The following KCNB2 variants were observed in gnomAD, a reference collection of about 807,000 sequenced individuals.
KCNB2 encodes potassium voltage-gated channel subfamily B member 2.
Under a neutral mutation model 61.5 loss-of-function variants are expected in KCNB2, and 15 were observed. That is an observed-to-expected ratio of 0.24 (90% CI 0.16 to 0.38). The LOEUF is 0.38. Ranked by LOEUF, KCNB2 falls within the 10% of genes least tolerant of loss-of-function variation. KCNB2 has a pLI of 1.00. For synonymous variants in KCNB2, 457 were observed against 446.0 expected, an observed-to-expected ratio of 1.02 and a Z score of -0.31; for missense variants, 828 against 1,125.2, an observed-to-expected ratio of 0.74 and a Z score of 3.78.
intron 2 of KCNB2, among the ~76,000 whole-genome samples, chr8:72,572,656 T>A (rs1563526893): frequency 6.6e-6 from 1 of 152,016 alleles, no homozygotes; most frequent in Non-Finnish European, 1.5e-5. Context: ...GGTTTTATTT[T>A]AGCTTAAGAA....
chr8:72,922,837 T>A (rs1806550535), intron 2 of KCNB2, among the ~76,000 whole-genome samples: 1 of 152,194 alleles, frequency 6.6e-6, no homozygotes, highest in Non-Finnish European at 1.5e-5. Context: ...TTTAGAAGCT[T>A]ATTTTGTCAA....
At chr8:72,902,433 G>A (rs1476496422) in intron 2 of KCNB2, among the ~76,000 whole-genome samples, 1 of 152,050 alleles carries the variant, frequency 6.6e-6, no homozygotes, top group African/African-American at 2.4e-5. Context: ...GCAGGGTCCT[G>A]GTGGGGAAAT....
intron 2 of KCNB2, among the ~76,000 whole-genome samples, chr8:72,622,355 T>C (rs1377042789): frequency 2.6e-5 from 4 of 152,182 alleles, no homozygotes; most frequent in Admixed American, 6.5e-5. Flanking sequence ...CCAAGAGTAT[T>C]GAGACTAATT....
At chr8:72,882,294 G>A (rs1805723192) in intron 2 of KCNB2, among the ~76,000 whole-genome samples, 1 of 152,094 alleles carries the variant, frequency 6.6e-6, no homozygotes, top group Admixed American at 6.5e-5. Flanking sequence ...CTGTTATAAA[G>A]GAACTGGAAA....
chr8:72,549,290 A>G (rs1455928651), intron 1 of KCNB2, among the ~76,000 whole-genome samples: 1 of 152,218 alleles, frequency 6.6e-6, no homozygotes, highest in Non-Finnish European at 1.5e-5. Context: ...CCTAACATCA[A>G]GGTGTCAATG....
chr8:72,695,368 C>A (rs1807002430), intron 2 of KCNB2, among the ~76,000 whole-genome samples: 1 of 152,158 alleles, frequency 6.6e-6, no homozygotes, highest in Admixed American at 6.5e-5. Flanking sequence ...CAGTAATTTT[C>A]TTCTCCTGTT....
At chr8:72,826,166 C>G (rs139073737) in intron 2 of KCNB2, among the ~76,000 whole-genome samples, 1 of 152,298 alleles carries the variant, frequency 6.6e-6, no homozygotes, top group Non-Finnish European at 1.5e-5. Context: ...GCAACTTTCT[C>G]TTATACTTAC....
chr8:72,563,955 T>G (rs1806584491), intron 1 of KCNB2, among the ~76,000 whole-genome samples: 1 of 152,120 alleles, frequency 6.6e-6, no homozygotes, highest in Non-Finnish European at 1.5e-5. Flanking sequence ...CTTAAGAAAA[T>G]CAAATCAACA....
chr8:72,919,608 G>C (rs945589081), intron 2 of KCNB2, among the ~76,000 whole-genome samples: 7 of 152,202 alleles, frequency 4.6e-5, no homozygotes, highest in Admixed American at 2.0e-4. Flanking sequence ...CATGGCCACA[G>C]GCTATGATGG....
intron 2 of KCNB2, among the ~76,000 whole-genome samples, chr8:72,713,326 AC>A (rs1434889962): frequency 6.6e-6 from 1 of 152,204 alleles, no homozygotes; most frequent in African/African-American, 2.4e-5. Context: ...TTCTCCCAGC[AC>A]GCAGCTTGAG....
rs146793525 is a variant in KCNB2, at chr8:72,768,307, G to A, written c.580-167628G>A. 2.8e-3 allele frequency among the ~76,000 whole-genome samples: 421 copies of A among 152,010 alleles called. 2 individuals are homozygous for A. The highest frequency in any genetic ancestry group is 9.5e-3 in the African/African-American group (395 of 41,444). ...TCCTGCCTCACCCTCCTGAGTAGCT[G>A]GGACTACAGGCATGCACCACCATTG... On this transcript the variant is annotated intron_variant, in intron 2 of 2. Transcript: ENST00000523207.
intron 2 of KCNB2, among the ~76,000 whole-genome samples, chr8:72,689,743 T>A (rs1341117751): frequency 2.0e-5 from 3 of 152,228 alleles, no homozygotes; most frequent in African/African-American, 7.2e-5. Context: ...TTCCTTTTTA[T>A]TACCCGATAG....
intron 2 of KCNB2, among the ~76,000 whole-genome samples, chr8:72,758,014 G>A (rs1451009297): frequency 2.6e-5 from 4 of 152,230 alleles, no homozygotes; most frequent in Non-Finnish European, 5.9e-5. Context: ...CCTAGGAGCT[G>A]AGGCTTTGTT....
intron 2 of KCNB2, among the ~76,000 whole-genome samples, chr8:72,702,924 A>G (rs138817148): frequency 3.3e-4 from 51 of 152,258 alleles, no homozygotes; most frequent in Non-Finnish European, 5.9e-4. Context: ...CTTTCTGTGC[A>G]CTGCGTCTGC....
At chr8:72,561,759 A>ATATATG (rs1329405807) in intron 1 of KCNB2, among the ~76,000 whole-genome samples, 1 of 21,296 alleles carries the variant, frequency 4.7e-5, no homozygotes, top group East Asian at 3.0e-3. Context: ...ATATATATAT[A>ATATATG]TGGATATATA....
At chr8:72,596,543 A>T (rs780515025) in intron 2 of KCNB2, among the ~76,000 whole-genome samples, 1 of 152,212 alleles carries the variant, frequency 6.6e-6, no homozygotes, top group Non-Finnish European at 1.5e-5. Context: ...AACAATGAAG[A>T]CATGCCCATC....
chr8:72,886,722 C>T (rs10106081), intron 2 of KCNB2, among the ~76,000 whole-genome samples: 46,456 of 152,202 alleles, frequency 0.31, 7,372 homozygotes, highest in Middle Eastern at 0.38. Flanking sequence ...ATGACGTTCA[C>T]AGTCCAGACT....
At chr8:72,679,388 A>G (rs999463727) in intron 2 of KCNB2, among the ~76,000 whole-genome samples, 21 of 152,196 alleles carry the variant, frequency 1.4e-4, no homozygotes, top group Admixed American at 1.3e-4. Flanking sequence ...AGAGCCTTTC[A>G]TCACATGATA....
chr8:72,782,706 C>A (rs941943701), intron 2 of KCNB2, among the ~76,000 whole-genome samples: 1 of 152,150 alleles, frequency 6.6e-6, no homozygotes, highest in Non-Finnish European at 1.5e-5. Context: ...GACCCACTTC[C>A]CTCAAATAAT....
Sources: gnomAD v4.1 joint callset for allele counts (sites outside exome capture counted in the v4.1 genomes callset) on GRCh38, gnomAD v4.1.1 for gene constraint, MANE v1.5 for transcripts, NCBI Gene and HGNC (gene_info 2026-07-23, HGNC 2026-07-21) for gene names.